The following KCNMB2 variants were observed in gnomAD, a reference collection of about 807,000 sequenced individuals.
The protein encoded by KCNMB2 is potassium calcium-activated channel subfamily M regulatory beta subunit 2, also known as calcium-activated potassium channel subunit beta-2.
KCNMB2 carries 9 observed loss-of-function variants against 24.5 expected under a neutral mutation model. The observed-to-expected ratio is 0.37, with a 90% CI of 0.22 to 0.64. KCNMB2 has a LOEUF of 0.64. Ranked by LOEUF, KCNMB2 falls within the 30% of genes least tolerant of loss-of-function variation. The pLI is 0.63. For missense variants in KCNMB2, 226 were observed against 284.3 expected, an observed-to-expected ratio of 0.79 and a Z score of 1.47; for synonymous variants, 109 against 104.4, an observed-to-expected ratio of 1.04 and a Z score of -0.27.
intron 1 of KCNMB2, among the ~76,000 whole-genome samples, chr3:178,567,447 TATC>T (rs1330679383): frequency 1.3e-5 from 2 of 152,104 alleles, no homozygotes; most frequent in Non-Finnish European, 2.9e-5. Context: ...ACTATATTAT[TATC>T]ATCATTATTG....
intron 1 of KCNMB2, among the ~76,000 whole-genome samples, chr3:178,668,300 G>C (rs1306546934): frequency 6.6e-6 from 1 of 152,134 alleles, no homozygotes; most frequent in Non-Finnish European, 1.5e-5. Flanking sequence ...CCAAGGCACA[G>C]AAGGGTCCAC....
chr3:178,663,921 T>C (rs1409176965), intron 1 of KCNMB2, among the ~76,000 whole-genome samples: 2 of 152,102 alleles, frequency 1.3e-5, no homozygotes, highest in African/African-American at 2.4e-5. Context: ...ATCTAGAGAC[T>C]GTGGCACAAG....
intron 1 of KCNMB2, among the ~76,000 whole-genome samples, chr3:178,642,883 G>T (rs778138100): frequency 6.6e-6 from 1 of 152,192 alleles, no homozygotes; most frequent in Non-Finnish European, 1.5e-5. Flanking sequence ...TCAATCAGAA[G>T]GTCAAAACAA....
In KCNMB2 at chr3:178,684,249, GA is replaced by G. The variant is rs1254486370; in HGVS notation, c.-67-123087del. The stretch of plus-strand genomic sequence containing the variant: ...TGCTAAGTGAAATAAGCCAAACACA[GA>G]AAAAAATTGCATAATCTCAGTTATA... On this transcript the variant is annotated intron_variant, in intron 1 of 4. Transcript: ENST00000452583. 3.4e-5 allele frequency among the ~76,000 whole-genome samples: 5 copies of G among 147,362 alleles called. No homozygotes were observed. The East Asian group carries it at 1.0e-3, about 30-fold the overall frequency.
chr3:178,830,772 C>T (rs1715024133), intron 4 of KCNMB2, among the ~76,000 whole-genome samples: 1 of 152,020 alleles, frequency 6.6e-6, no homozygotes, highest in South Asian at 2.1e-4. Context: ...GCCCATTTTT[C>T]TGTGGAATTG....
intron 1 of KCNMB2, among the ~76,000 whole-genome samples, chr3:178,730,677 G>A (rs1723119856): frequency 6.6e-6 from 1 of 152,090 alleles, no homozygotes; most frequent in Admixed American, 6.5e-5. Flanking sequence ...AGCTTTGCCT[G>A]GTACCATTCC....
intron 1 of KCNMB2, chr3:178,537,322 G>A (rs1244363418): frequency 6.6e-6 from 1 of 152,168 alleles, no homozygotes; most frequent in Non-Finnish European, 1.5e-5. Flanking sequence ...GTTTTCCTAA[G>A]CAGAGTAAGA....
chr3:178,548,316 A>G (rs1035491337), intron 1 of KCNMB2, among the ~76,000 whole-genome samples: 2 of 152,162 alleles, frequency 1.3e-5, no homozygotes, highest in Admixed American at 1.3e-4. Flanking sequence ...TTCTGCCTAG[A>G]TCATGCAAAT....
intron 1 of KCNMB2, among the ~76,000 whole-genome samples, chr3:178,540,658 T>C (rs1328274466): frequency 6.6e-6 from 1 of 152,230 alleles, no homozygotes; most frequent in African/African-American, 2.4e-5. Context: ...GCCTAAAGAA[T>C]TCTTCCCCTG....
chr3:178,543,274 T>C (rs1715679370), intron 1 of KCNMB2, among the ~76,000 whole-genome samples: 1 of 152,174 alleles, frequency 6.6e-6, no homozygotes, highest in African/African-American at 2.4e-5. Flanking sequence ...TCAAAGAAAA[T>C]GTCTGCCTCT....
At chr3:178,660,112 A>G (rs556835387) in intron 1 of KCNMB2, among the ~76,000 whole-genome samples, 1 of 152,270 alleles carries the variant, frequency 6.6e-6, no homozygotes, top group East Asian at 1.9e-4. Flanking sequence ...TTTGAATCAC[A>G]CAGTCCTGTA....
intron 1 of KCNMB2, among the ~76,000 whole-genome samples, chr3:178,556,680 C>A (rs1375439456): frequency 6.6e-6 from 1 of 152,168 alleles, no homozygotes; most frequent in Admixed American, 6.5e-5. Flanking sequence ...GCTGGGATTA[C>A]AGGTGTAAGC....
chr3:178,699,954 T>A (rs1722029192), intron 1 of KCNMB2, among the ~76,000 whole-genome samples: 1 of 152,184 alleles, frequency 6.6e-6, no homozygotes, highest in Admixed American at 6.5e-5. Context: ...ACTCACCAGT[T>A]CCCCTGGAGC....
At chr3:178,732,265 C>T (rs1723177518) in intron 1 of KCNMB2, among the ~76,000 whole-genome samples, 1 of 152,150 alleles carries the variant, frequency 6.6e-6, no homozygotes, top group Admixed American at 6.5e-5. Flanking sequence ...TACTAATCTA[C>T]AGTAGGTTTT....
chr3:178,664,821 A>G (rs1720661704), intron 1 of KCNMB2, among the ~76,000 whole-genome samples: 1 of 152,130 alleles, frequency 6.6e-6, no homozygotes. Context: ...ATGAAGTTCT[A>G]TTGACATAAT....
chr3:178,708,162 C>A (rs528150944), intron 1 of KCNMB2, among the ~76,000 whole-genome samples: 2 of 152,190 alleles, frequency 1.3e-5, no homozygotes, highest in Admixed American at 1.3e-4. Context: ...GTTTCTAGGG[C>A]TTTCTGTTTG....
chr3:178,762,465 T>C (rs1035994704), intron 1 of KCNMB2, among the ~76,000 whole-genome samples: 1 of 152,132 alleles, frequency 6.6e-6, no homozygotes, highest in African/African-American at 2.4e-5. Flanking sequence ...GCAGGGCCTA[T>C]GGGGAATTCA....
At chr3:178,823,139 T>C (rs918074470) in intron 2 of KCNMB2, among the ~76,000 whole-genome samples, 2 of 152,200 alleles carry the variant, frequency 1.3e-5, no homozygotes, top group African/African-American at 2.4e-5. Context: ...AAAATTTGAG[T>C]TCCTAAAGGG....
chr3:178,710,062 T>C (rs1010982021), intron 1 of KCNMB2, among the ~76,000 whole-genome samples: 86 of 152,152 alleles, frequency 5.7e-4, no homozygotes, highest in African/African-American at 2.0e-3. Flanking sequence ...TGTGTGTACC[T>C]ATCCATTCAG....
Sources: gnomAD v4.1 joint callset for allele counts (sites outside exome capture counted in the v4.1 genomes callset) on GRCh38, gnomAD v4.1.1 for gene constraint, MANE v1.5 for transcripts, NCBI Gene and HGNC (gene_info 2026-07-23, HGNC 2026-07-21) for gene names.